TRAPPC9: variants seen among roughly 807,000 people sequenced by gnomAD.
The protein encoded by TRAPPC9 is trafficking protein particle complex subunit 9.
Under a neutral mutation model 124.0 loss-of-function variants are expected in TRAPPC9, and 83 were observed. The ratio of observed to expected loss-of-function variants is 0.67; its 90% CI spans 0.56 to 0.80. The LOEUF is 0.80. Ranked by LOEUF, TRAPPC9 falls within the 30% of genes least tolerant of loss-of-function variation. The pLI, the probability that TRAPPC9 is intolerant of heterozygous loss-of-function variation, is 0.00. For synonymous variants in TRAPPC9, 638 were observed against 617.5 expected, an observed-to-expected ratio of 1.03 and a Z score of -0.49; for missense variants, 1,302 against 1,508.3, an observed-to-expected ratio of 0.86 and a Z score of 2.27.
chr8:140,044,464 T>C (rs1255634453), intron 17 of TRAPPC9, among the ~76,000 whole-genome samples: 1 of 152,166 alleles, frequency 6.6e-6, no homozygotes, highest in Non-Finnish European at 1.5e-5. Flanking sequence ...TTTGGTTCCA[T>C]ACGTGCCCAA....
intron 17 of TRAPPC9, among the ~76,000 whole-genome samples, chr8:140,152,952 C>A (rs2061570940): frequency 6.6e-6 from 1 of 152,092 alleles, no homozygotes; most frequent in African/African-American, 2.4e-5. Flanking sequence ...CTATCTTATT[C>A]CTAATTTTAG....
chr8:139,745,274 C>T (rs1252238377), intron 21 of TRAPPC9, among the ~76,000 whole-genome samples: 1 of 152,174 alleles, frequency 6.6e-6, no homozygotes, highest in East Asian at 1.9e-4. Context: ...GACTCAGGGG[C>T]CTGGGTGAGC....
intron 17 of TRAPPC9, among the ~76,000 whole-genome samples, chr8:140,184,062 A>T (rs1463982029): frequency 6.6e-6 from 1 of 151,816 alleles, no homozygotes; most frequent in African/African-American, 2.4e-5. Context: ...CCGGGCCTGG[A>T]GAACTGACTG....
chr8:139,958,934 A>AGCCCT (rs1835181546), intron 19 of TRAPPC9, among the ~76,000 whole-genome samples: 7 of 151,336 alleles, frequency 4.6e-5, no homozygotes, highest in South Asian at 2.1e-4. Flanking sequence ...CACACGGGGG[A>AGCCCT]GCACTGCATT....
chr8:140,122,823 C>T (rs1475650551), intron 17 of TRAPPC9, among the ~76,000 whole-genome samples: 2 of 152,094 alleles, frequency 1.3e-5, no homozygotes, highest in East Asian at 1.9e-4. Context: ...AAGCCTCTCT[C>T]GAGAAGGGGC....
At chr8:139,859,775 G>A (rs1335453320) in intron 21 of TRAPPC9, among the ~76,000 whole-genome samples, 4 of 152,248 alleles carry the variant, frequency 2.6e-5, no homozygotes, top group Non-Finnish European at 5.9e-5. Context: ...CCATCGTCAA[G>A]GGAGCTCTGT....
At chr8:140,349,936 G>A (rs1482335547) in intron 9 of TRAPPC9, among the ~76,000 whole-genome samples, 3 of 152,208 alleles carry the variant, frequency 2.0e-5, no homozygotes, top group Non-Finnish European at 4.4e-5. Context: ...TACACGGTCA[G>A]CAGATGATTT....
At chr8:140,027,206 G>C (rs1209799395) in intron 17 of TRAPPC9, among the ~76,000 whole-genome samples, 1 of 152,196 alleles carries the variant, frequency 6.6e-6, no homozygotes, top group East Asian at 1.9e-4. Context: ...TGTAGTCCCT[G>C]ATCTCAGAAA....
At chr8:139,958,282 C>T (rs1373831273) in intron 19 of TRAPPC9, among the ~76,000 whole-genome samples, 1 of 152,180 alleles carries the variant, frequency 6.6e-6, no homozygotes, top group Non-Finnish European at 1.5e-5. Context: ...AGGTGTGTGT[C>T]TTTGTTCCTG....
intron 17 of TRAPPC9, among the ~76,000 whole-genome samples, chr8:140,084,549 G>A (rs1414570180): frequency 2.0e-5 from 3 of 152,168 alleles, no homozygotes; most frequent in Non-Finnish European, 4.4e-5. Context: ...TTTCTAAAAG[G>A]CCAGCATGGA....
At chr8:140,408,432 A>T (rs1444725270) in intron 5 of TRAPPC9, among the ~76,000 whole-genome samples, 2 of 152,164 alleles carry the variant, frequency 1.3e-5, no homozygotes, top group Admixed American at 6.5e-5. Flanking sequence ...AGACATACAC[A>T]TAAGATAAAG....
chr8:140,236,955 C>T (rs149584882), intron 16 of TRAPPC9, among the ~76,000 whole-genome samples: 175 of 152,084 alleles, frequency 1.2e-3, no homozygotes, highest in African/African-American at 4.0e-3. Flanking sequence ...CCAGGGAGGG[C>T]GGATCACCGG....
chr8:139,858,201 C>A (rs1046324790), intron 21 of TRAPPC9, among the ~76,000 whole-genome samples: 5 of 152,244 alleles, frequency 3.3e-5, no homozygotes, highest in African/African-American at 1.2e-4. Flanking sequence ...AGGACTAACT[C>A]TTTAAACAAC....
At chr8:139,823,383 G>A (rs946597006) in intron 21 of TRAPPC9, among the ~76,000 whole-genome samples, 5 of 151,912 alleles carry the variant, frequency 3.3e-5, no homozygotes, top group African/African-American at 9.7e-5. Flanking sequence ...CTTGGTGCCC[G>A]AATGCAGAGT....
chr8:140,411,552 G>T (rs58436361), intron 5 of TRAPPC9, among the ~76,000 whole-genome samples: 6,376 of 152,258 alleles, frequency 0.042, 311 homozygotes, highest in African/African-American at 0.11. Flanking sequence ...ATGTTGGCCA[G>T]GCTGGTCTTG....
intron 10 of TRAPPC9, among the ~76,000 whole-genome samples, chr8:140,306,506 A>G (rs935120650): frequency 6.6e-6 from 1 of 151,714 alleles, no homozygotes; most frequent in Admixed American, 6.6e-5. Context: ...AAAAAAAAAA[A>G]AAAAGAAGAA....
chr8:139,997,405 A>G (rs902483596), intron 18 of TRAPPC9, among the ~76,000 whole-genome samples: 3 of 151,808 alleles, frequency 2.0e-5, no homozygotes, highest in African/African-American at 7.3e-5. Context: ...CATCCCACAC[A>G]GAAGAGACAA....
chr8:140,230,591 G>A (rs1334646623), intron 16 of TRAPPC9, among the ~76,000 whole-genome samples: 4 of 151,516 alleles, frequency 2.6e-5, no homozygotes, highest in Admixed American at 6.6e-5. Flanking sequence ...CAGTCTGGAC[G>A]ACAGAGTGAG....
chr8:139,893,401 A>G (rs1409326892), intron 20 of TRAPPC9, among the ~76,000 whole-genome samples: 1 of 152,170 alleles, frequency 6.6e-6, no homozygotes, highest in East Asian at 1.9e-4. Flanking sequence ...AGGGGAGCCA[A>G]CTGAGCACAG....
Sources: gnomAD v4.1 joint callset for allele counts (sites outside exome capture counted in the v4.1 genomes callset) on GRCh38, gnomAD v4.1.1 for gene constraint, MANE v1.5 for transcripts, NCBI Gene and HGNC (gene_info 2026-07-23, HGNC 2026-07-21) for gene names.